SEC22C: variants seen among roughly 807,000 people sequenced by gnomAD.
The protein encoded by SEC22C is vesicle-trafficking protein SEC22c.
In SEC22C, 29 loss-of-function variants were observed where a neutral mutation model predicts 34.7. The ratio of observed to expected loss-of-function variants is 0.84; its 90% CI spans 0.62 to 1.14. SEC22C has a LOEUF of 1.14. Among genes scored for constraint, SEC22C ranks in the 50% most tolerant of loss-of-function variants. SEC22C has a pLI of 0.00. For synonymous variants in SEC22C, 117 were observed against 132.8 expected (o/e 0.88, Z 0.82); for missense variants, 337 against 369.0 (o/e 0.91, Z 0.71).
At chr3:42,572,450 C>T (rs939291594) in intron 1 of SEC22C, among the ~76,000 whole-genome samples, 6 of 152,220 alleles carry the variant, frequency 3.9e-5, no homozygotes, top group East Asian at 3.9e-4. Flanking sequence ...CCCATCCTGC[C>T]GGGGTAGCAT....
chr3:42,574,476 G>T (rs1703840047), intron 1 of SEC22C, among the ~76,000 whole-genome samples: 1 of 151,292 alleles, frequency 6.6e-6, no homozygotes, highest in Non-Finnish European at 1.5e-5. Flanking sequence ...GATAAAAGAA[G>T]AAATCCTGGA....
At chr3:42,560,185 A>T (rs1336636387) in intron 4 of SEC22C, among the ~76,000 whole-genome samples, 2 of 145,488 alleles carry the variant, frequency 1.4e-5, no homozygotes, top group African/African-American at 5.0e-5. Context: ...TATATAATAT[A>T]TATATTATAT....
In SEC22C at chr3:42,557,655, G is replaced by A; in HGVS notation, c.568C>T (p.Leu190Phe). The change falls in exon 5 of 7, where the codon CTC becomes TTC. Residue 190 changes from leucine to phenylalanine, a missense_variant. By Grantham distance (22) the Leu-to-Phe change is conservative (BLOSUM62 0). Coordinates refer to ENST00000264454, the MANE Select transcript of SEC22C (RefSeq NM_032970.4). ...CACATGATGTTGAGAATGAGGGAGA[G>A]GATACCCAGGGCTGTCACTGGTTCC... is the stretch of plus-strand genomic sequence containing the variant. ...RMEPVTALGI[L>F]SLILNIMCAA... 8.1e-6 allele frequency: 13 copies of A among 1,607,806 alleles called. No individual in the cohort carries two copies. The highest frequency in any genetic ancestry group is 1.1e-5 in the Non-Finnish European group (13 of 1,175,026).
chr3:42,596,664 A>C (rs1217074934), intron 1 of SEC22C, among the ~76,000 whole-genome samples: 2 of 152,234 alleles, frequency 1.3e-5, no homozygotes, highest in Admixed American at 1.3e-4. Context: ...GCATACTTTT[A>C]TCTTCGAATC....
chr3:42,579,677 A>G (rs976684742), intron 1 of SEC22C: 1 of 152,378 alleles, frequency 6.6e-6, no homozygotes, highest in African/African-American at 2.4e-5. Context: ...AGGCAGCTTC[A>G]GAATGTTCAT....
intron 1 of SEC22C, among the ~76,000 whole-genome samples, chr3:42,589,873 T>A (rs1334886644): frequency 6.6e-6 from 1 of 151,980 alleles, no homozygotes; most frequent in Non-Finnish European, 1.5e-5. Context: ...TCACCAGGAG[T>A]AACCATGTGG....
chr3:42,553,816 C>T (rs1236772895), intron 6 of SEC22C, among the ~76,000 whole-genome samples: 1 of 152,158 alleles, frequency 6.6e-6, no homozygotes, highest in Non-Finnish European at 1.5e-5. Context: ...CTGACTGGCC[C>T]CCCAGTGAAG....
Position 42,549,139 on chromosome 3 carries a change from T to C in SEC22C, c.*4109A>G. 3.0e-6 allele frequency: 3 copies of C among 991,718 alleles called. No homozygotes were observed. Among genetic ancestry groups the C allele is most frequent in the Non-Finnish European group, 3.6e-6 (3 of 833,280 alleles). 61.4% of individuals were successfully genotyped at this position (991,718 alleles called of 1,614,324 possible). On this transcript the variant is annotated 3_prime_UTR_variant, in exon 7 of 7. Coordinates refer to ENST00000264454, the MANE Select transcript of SEC22C (RefSeq NM_032970.4). ...CAGCTACACTCTTTCTCCACCATTA[T>C]TAACACTCACAGGGCACAGGTAGAG... is the stretch of plus-strand genomic sequence containing the variant.
At chr3:42,556,343 A>C (rs1702526964) in intron 5 of SEC22C, among the ~76,000 whole-genome samples, 1 of 152,246 alleles carries the variant, frequency 6.6e-6, no homozygotes, top group East Asian at 1.9e-4. Flanking sequence ...GATTGCCACC[A>C]TACACTGTTT....
intron 1 of SEC22C, among the ~76,000 whole-genome samples, chr3:42,574,242 G>A (rs182593512): frequency 1.3e-5 from 2 of 151,770 alleles, no homozygotes; most frequent in Admixed American, 1.3e-4. Context: ...CCAGAATCCT[G>A]TATTCAGCAA....
Position 42,571,523 on chromosome 3 carries a change from G to A in SEC22C, c.-27-2450C>T, listed in dbSNP as rs191705858. On this transcript the variant is annotated intron_variant, in intron 1 of 6. Transcript: ENST00000264454. ...GAAGGGTTAAAAGATTTTATAGGCTGCCACGGAAGAGTATAAGAATGAAGA... is the reference window on the plus strand; with the variant it reads ...GAAGGGTTAAAAGATTTTATAGGCTACCACGGAAGAGTATAAGAATGAAGA... Among the ~76,000 whole-genome samples, 3 of 152,298 alleles carry A rather than the reference G, an allele frequency of 2.0e-5. No individual in the cohort carries two copies. In the East Asian group the frequency reaches 5.8e-4, roughly 29 times the overall value.
At chr3:42,586,832 C>T (rs981042551), upstream of SEC22C, among the ~76,000 whole-genome samples, 1 of 152,192 alleles carries the variant, frequency 6.6e-6, no homozygotes, top group African/African-American at 2.4e-5. Context: ...CCACAAGCCT[C>T]AACATCGTTT....
At chr3:42,568,766 T>G in intron 2 of SEC22C, 99 bp downstream of exon 2, 1 of 1,002,368 alleles carries the variant, frequency 1.0e-6, no homozygotes, top group South Asian at 1.6e-5. Flanking sequence ...TAGATCTACT[T>G]TTAATACACA....
At chr3:42,594,981 A>G (rs1236422600) in intron 1 of SEC22C, 1 of 152,706 alleles carries the variant, frequency 6.5e-6, no homozygotes, top group East Asian at 1.9e-4. Context: ...AATAAAGCTT[A>G]TTTTTCTATA....
chr3:42,548,326 C>A lies in SEC22C; in HGVS notation c.*4922G>T. The stretch of plus-strand genomic sequence containing the variant: ...CATGAAATAACACTTCTGAAGCAAC[C>A]CCAGAATCATATAAATGTAAGGGTT... On this transcript the variant is annotated 3_prime_UTR_variant, in exon 7 of 7. Coordinates refer to ENST00000264454, the MANE Select transcript of SEC22C (RefSeq NM_032970.4). 2.6e-6 allele frequency: 1 copy of A among 389,738 alleles called. No individual in the cohort carries two copies. Among genetic ancestry groups the A allele is most frequent in the Non-Finnish European group, 4.6e-6 (1 of 215,400 alleles). 24.1% of individuals were successfully genotyped at this position (389,738 alleles called of 1,614,324 possible). A position where few individuals can be genotyped will look rare whatever the true frequency, so the allele number is the denominator to read the frequency against.
chr3:42,587,059 AC>A (rs1704636439), intron 1 of SEC22C, among the ~76,000 whole-genome samples: 1 of 152,280 alleles, frequency 6.6e-6, no homozygotes, highest in East Asian at 1.9e-4. Flanking sequence ...TTTCAAATGC[AC>A]ACACTTCTTT....
rs537539903 is a variant in SEC22C at position 42,563,454 on chromosome 3, C to T, written c.346+69G>A. On this transcript the variant is annotated intron_variant, in intron 3 of 6. Transcript: ENST00000264454. ...GTTTTCCTTGATGGTCAAAGCCAAA[C>T]CTAAACTGTAAATTCTACACATATA... 64 of 1,414,582 alleles carry T rather than the reference C, an allele frequency of 4.5e-5. No homozygotes were observed. In the African/African-American group the frequency reaches 7.6e-4, roughly 17 times the overall value. The allele number at this position is 1,414,582 out of a possible 1,614,324, so 87.6% of individuals were successfully genotyped here. A position where few individuals can be genotyped will look rare whatever the true frequency, so the allele number is the denominator to read the frequency against.
intron 1 of SEC22C, among the ~76,000 whole-genome samples, chr3:42,578,996 G>A (rs1704140743): frequency 1.3e-5 from 2 of 152,176 alleles, no homozygotes; most frequent in African/African-American, 2.4e-5. Context: ...ACAGGAAAGC[G>A]GCTGGGTGCA....
chr3:42,570,158 A>G (rs1182913751), intron 1 of SEC22C, among the ~76,000 whole-genome samples: 2 of 152,140 alleles, frequency 1.3e-5, no homozygotes, highest in African/African-American at 4.8e-5. Flanking sequence ...TTGGCATCTC[A>G]GTTCTTCATC....
Sources: gnomAD v4.1 joint callset for allele counts (sites outside exome capture counted in the v4.1 genomes callset) on GRCh38, gnomAD v4.1.1 for gene constraint, MANE v1.5 for transcripts, NCBI Gene and HGNC (gene_info 2026-07-23, HGNC 2026-07-21) for gene names.